Variants in CNIH3 observed in about 807,000 individuals in gnomAD.
CNIH3 encodes protein cornichon homolog 3.
CNIH3 carries 14 observed loss-of-function variants against 24.1 expected under a neutral mutation model. The observed-to-expected ratio is 0.58, with a 90% CI of 0.38 to 0.91. The LOEUF is 0.91. Among genes scored for constraint, CNIH3 ranks in the 40% least tolerant of loss-of-function variants. The pLI is 0.00. For missense variants in CNIH3, 178 were observed against 196.8 expected (o/e 0.90, Z 0.57); for synonymous variants, 68 against 73.8 (o/e 0.92, Z 0.40).
At chr1:224,539,528 A>C (rs1679430099), downstream of CNIH3, among the ~76,000 whole-genome samples, 1 of 152,166 alleles carries the variant, frequency 6.6e-6, no homozygotes, top group Non-Finnish European at 1.5e-5. Flanking sequence ...CAGAATCATC[A>C]GTGGCTCCTT....
chr1:224,529,011 A>C (rs985301), intron 2 of CNIH3, among the ~76,000 whole-genome samples: 47,927 of 152,090 alleles, frequency 0.32, 10,397 homozygotes, highest in African/African-American at 0.62. Context: ...TGTTTCATGG[A>C]CTGTGTACCA....
chr1:224,497,409 G>A (rs1677482252), intron 1 of CNIH3, among the ~76,000 whole-genome samples: 1 of 152,186 alleles, frequency 6.6e-6, no homozygotes. Flanking sequence ...TTATGTGAAT[G>A]ATATGTTGAT....
intron 1 of CNIH3, among the ~76,000 whole-genome samples, chr1:224,467,643 C>T (rs541720260): frequency 6.3e-4 from 95 of 151,914 alleles, no homozygotes; most frequent in African/African-American, 2.2e-3. Flanking sequence ...AGGCTGGTCT[C>T]GAACTCCTGA....
chr1:224,446,212 G>GTTTTTTTTTT (rs35812016), intron 1 of CNIH3, among the ~76,000 whole-genome samples: 13 of 108,890 alleles, frequency 1.2e-4, no homozygotes, highest in South Asian at 6.3e-4. Context: ...TTTCAACTTT[G>GTTTTTTTTTT]TTTTTTTTTT....
intron 3 of CNIH3, among the ~76,000 whole-genome samples, chr1:224,707,847 G>T (rs1481557068): frequency 6.6e-6 from 1 of 152,152 alleles, no homozygotes; most frequent in African/African-American, 2.4e-5. Context: ...CCAAATAAAT[G>T]AACATCCTGC....
At chr1:224,437,020 C>G (rs971153050) in intron 1 of CNIH3, 1 of 152,194 alleles carries the variant, frequency 6.6e-6, no homozygotes, top group Non-Finnish European at 1.5e-5. Context: ...GGGAGCCTTT[C>G]CTGACTTCCA....
intron 3 of CNIH3, among the ~76,000 whole-genome samples, chr1:224,555,196 C>T (rs1181005353): frequency 6.6e-6 from 1 of 152,182 alleles, no homozygotes; most frequent in Non-Finnish European, 1.5e-5. Context: ...GATTGAGCCA[C>T]TTGCCCCAGG....
chr1:224,513,130 T>C (rs1296700924), upstream of CNIH3, among the ~76,000 whole-genome samples: 2 of 152,076 alleles, frequency 1.3e-5, no homozygotes, highest in Admixed American at 6.6e-5. Flanking sequence ...CCGCAGCCTG[T>C]GTCCCTTTGT....
intron 1 of CNIH3, among the ~76,000 whole-genome samples, chr1:224,678,632 A>AG (rs1308037204): frequency 6.6e-6 from 1 of 151,996 alleles, no homozygotes; most frequent in African/African-American, 2.4e-5. Context: ...TTCTTTGTGG[A>AG]GGAGGGATTT....
chr1:224,506,423 C>T (rs1343094436), intron 1 of CNIH3, among the ~76,000 whole-genome samples: 2 of 152,264 alleles, frequency 1.3e-5, no homozygotes, highest in African/African-American at 4.8e-5. Flanking sequence ...GGCTTCTGCT[C>T]TGCCAGGCCC....
At chr1:224,725,297 A>G (rs116136979) in intron 3 of CNIH3, among the ~76,000 whole-genome samples, 15 of 152,370 alleles carry the variant, frequency 9.8e-5, no homozygotes, top group African/African-American at 3.6e-4. Flanking sequence ...TTTTGAGAGC[A>G]CTGTCATTCA....
intron 1 of CNIH3, chr1:224,434,904 G>T: frequency 2.0e-6 from 2 of 985,926 alleles, no homozygotes; most frequent in Non-Finnish European, 2.4e-6. Context: ...CACGTGCATC[G>T]GGGGCTGTCC....
intron 1 of CNIH3, among the ~76,000 whole-genome samples, chr1:224,669,318 A>G (rs1048710919): frequency 2.4e-4 from 37 of 152,320 alleles, no homozygotes; most frequent in African/African-American, 8.9e-4. Context: ...CAAATAAGCC[A>G]AAGTGTCCTG....
At chr1:224,495,652 G>T (rs898239409) in intron 1 of CNIH3, among the ~76,000 whole-genome samples, 7 of 152,180 alleles carry the variant, frequency 4.6e-5, no homozygotes, top group African/African-American at 1.2e-4. Flanking sequence ...TGCTCCAAGG[G>T]GTCCTCCTGG....
At chr1:224,543,312 C>T (rs2794807) in intron 2 of CNIH3, among the ~76,000 whole-genome samples, 2,993 of 152,268 alleles carry the variant, frequency 0.02, 112 homozygotes, top group African/African-American at 0.067. Flanking sequence ...CCCTGTGTGT[C>T]TGTTTGTTTG....
chr1:224,631,207 A>ACCTTTGCTCCCCTGTCATGCTCAG (rs1182045749), intron 1 of CNIH3, among the ~76,000 whole-genome samples: 1 of 152,148 alleles, frequency 6.6e-6, no homozygotes, highest in Non-Finnish European at 1.5e-5. Flanking sequence ...TGCTCAGGAC[A>ACCTTTGCTCCCCTGTCATGCTCAG]TGGGGATGAC....
At chr1:224,725,931 A>G (rs572152842) in intron 3 of CNIH3, among the ~76,000 whole-genome samples, 2 of 152,214 alleles carry the variant, frequency 1.3e-5, no homozygotes, top group Non-Finnish European at 2.9e-5. Flanking sequence ...ACACGATTCT[A>G]TTGTTTTCAT....
rs563153833 is a variant in CNIH3, at chr1:224,533,258, T to A, written n.344-3678T>A. On this transcript the variant is annotated intron_variant and non_coding_transcript_variant, in intron 2 of 2. Transcript: ENST00000470602. ...AGCATGTCTCTACAAAAAAAAAAAA[T>A]AAAATAAAATTGGCTGAGAGTAGTG... Among the ~76,000 whole-genome samples, 534 of 145,404 alleles carry A rather than the reference T, an allele frequency of 3.7e-3. 3 individuals are homozygous for A. Among genetic ancestry groups the A allele is most frequent in the African/African-American group, 0.012 (476 of 38,156 alleles).
intron 4 of CNIH3, among the ~76,000 whole-genome samples, chr1:224,568,088 A>G (rs924906594): frequency 3.3e-5 from 5 of 152,100 alleles, no homozygotes; most frequent in African/African-American, 4.8e-5. Flanking sequence ...TCAGGAGATC[A>G]AGACCATCCT....
Sources: allele counts gnomAD v4.1 joint callset (sites outside exome capture counted in the v4.1 genomes callset), GRCh38; gene constraint gnomAD v4.1.1; transcripts MANE v1.5; gene names NCBI Gene and HGNC (gene_info 2026-07-23, HGNC 2026-07-21).